The following HMCN1 variants were observed in gnomAD, a reference collection of about 807,000 sequenced individuals.
HMCN1 encodes hemicentin 1, also known as hemicentin-1.
In HMCN1, 321 loss-of-function variants were observed where a neutral mutation model predicts 625.9. The observed-to-expected ratio is 0.51, with a 90% CI of 0.47 to 0.56. HMCN1 has a LOEUF of 0.56. Ranked by LOEUF, HMCN1 falls within the 20% of genes least tolerant of loss-of-function variation. The pLI, the probability that HMCN1 is intolerant of heterozygous loss-of-function variation, is 0.00. For synonymous variants in HMCN1, 2,425 were observed against 2,417.6 expected, an observed-to-expected ratio of 1.00 and a Z score of -0.09; for missense variants, 6,588 against 6,887.3, an observed-to-expected ratio of 0.96 and a Z score of 1.54.
At chr1:186,122,673 T>C (rs1317658612) in intron 80 of HMCN1, among the ~76,000 whole-genome samples, 1 of 152,216 alleles carries the variant, frequency 6.6e-6, no homozygotes, top group African/African-American at 2.4e-5. Context: ...ACAGCTTAAA[T>C]TTTCTAGACA....
At position 186,019,636 on chromosome 1, in the gene HMCN1, C is replaced by A. The variant is rs1654589182; in HGVS notation, c.5566C>A (p.Pro1856Thr). The change falls in exon 35 of 107, where the codon CCT becomes ACT. Residue 1856 changes from proline to threonine, a missense_variant. By Grantham distance (38) the Pro-to-Thr change is conservative (BLOSUM62 -1). Transcript: ENST00000271588. Reference sequence around the variant, plus strand: ...GTGCATAGCCAATGGGATTCCAAATCCTTCCATTACATGGTTAAAAGATGA... The same window carrying A: ...GTGCATAGCCAATGGGATTCCAAATACTTCCATTACATGGTTAAAAGATGA... Reference protein sequence around the residue: ...LQCIANGIPNPSITWLKDDQP... With the variant: ...LQCIANGIPNTSITWLKDDQP... 2 of 1,611,958 alleles carry A rather than the reference C, an allele frequency of 1.2e-6. No homozygotes were observed. The highest frequency in any genetic ancestry group is 1.7e-6 in the Non-Finnish European group (2 of 1,178,482).
chr1:185,984,636 A>G (rs546797329), intron 19 of HMCN1, among the ~76,000 whole-genome samples: 1 of 152,310 alleles, frequency 6.6e-6, no homozygotes, highest in Non-Finnish European at 1.5e-5. Flanking sequence ...TGAACTCATT[A>G]TACCCTCCAG....
rs1411927396 is a variant in HMCN1, at chr1:186,182,306, G to A, written c.16414+19G>A. The A allele has an allele frequency of 6.2e-7, 1 of 1,612,780 alleles. No individual in the cohort carries two copies. The highest frequency in any genetic ancestry group is 8.5e-7 in the Non-Finnish European group (1 of 1,179,030). ...TGCCAAGGTGAGAAAACATTGGGATGTTTATTGTTGCAAACTTGACTAAAA... is the reference window on the plus strand; with the variant it reads ...TGCCAAGGTGAGAAAACATTGGGATATTTATTGTTGCAAACTTGACTAAAA... On this transcript the variant is annotated intron_variant, in intron 105 of 106. Coordinates refer to ENST00000271588, the MANE Select transcript of HMCN1 (RefSeq NM_031935.3).
rs781089412 is a variant in HMCN1 at position 186,093,613 on chromosome 1, A to G, written c.10140A>G (p.Gly3380=). 5.1e-5 allele frequency: 82 copies of G among 1,613,304 alleles called. No homozygotes were observed. The highest frequency in any genetic ancestry group is 6.6e-5 in the Non-Finnish European group (78 of 1,179,640). The change falls in exon 66 of 107, where the codon GGA becomes GGG. Residue 3380 remains glycine, a synonymous_variant. Coordinates refer to ENST00000271588, the MANE Select transcript of HMCN1 (RefSeq NM_031935.3). ...PPPQINWLKN[G]LPLPLSSHIR... is the part of the protein sequence containing the mutation. The stretch of plus-strand genomic sequence containing the variant: ...CACAGATAAACTGGCTGAAGAATGG[A>G]CTTCCTCTGCCTCTCTCCTCCCATA...
intron 77 of HMCN1, among the ~76,000 whole-genome samples, chr1:186,117,975 C>T (rs1410691189): frequency 2.0e-5 from 3 of 152,064 alleles, no homozygotes; most frequent in Non-Finnish European, 4.4e-5. Context: ...TAGAATGTCT[C>T]TTCATTTATC....
At chr1:185,748,964 A>G (rs1287106430) in intron 1 of HMCN1, among the ~76,000 whole-genome samples, 3 of 152,210 alleles carry the variant, frequency 2.0e-5, no homozygotes, top group Admixed American at 6.5e-5. Flanking sequence ...TGCATAAAAT[A>G]AGGATAAAAC....
intron 11 of HMCN1, among the ~76,000 whole-genome samples, chr1:185,945,964 C>T (rs185789671): frequency 6.6e-6 from 1 of 152,254 alleles, no homozygotes; most frequent in East Asian, 1.9e-4. Context: ...TGCAGTTATG[C>T]TCTGGGAGAT....
At chr1:186,088,082 G>T in intron 61 of HMCN1, 63 bp from the exon 62 acceptor site, 2 of 1,609,116 alleles carry the variant, frequency 1.2e-6, no homozygotes, top group Non-Finnish European at 1.7e-6. Flanking sequence ...TTCCAAATTA[G>T]CTTAATGAGG....
chr1:186,052,453 T>A (rs114394129), intron 42 of HMCN1, among the ~76,000 whole-genome samples: 221 of 152,182 alleles, frequency 1.5e-3, no homozygotes, highest in African/African-American at 5.0e-3. Context: ...AAGCAGACTG[T>A]GCAATCTGAA....
At chr1:186,088,869 A>G (rs959756744) in intron 63 of HMCN1, 114 bp downstream of exon 63, 2 of 979,490 alleles carry the variant, frequency 2.0e-6, no homozygotes, top group Non-Finnish European at 3.0e-6. Flanking sequence ...TCTTTAGATC[A>G]TCAAAAACTA....
At chr1:186,167,683 A>G (rs1232161314) in intron 100 of HMCN1, among the ~76,000 whole-genome samples, 2 of 152,176 alleles carry the variant, frequency 1.3e-5, no homozygotes, top group Non-Finnish European at 2.9e-5. Context: ...TGATCTTGTT[A>G]CTGTCTTTGT....
chr1:186,174,524 A>G lies in HMCN1; in HGVS notation c.15825A>G (p.Glu5275=). 1 of 1,613,920 alleles carries G rather than the reference A, an allele frequency of 6.2e-7. No homozygotes were observed. The highest frequency in any genetic ancestry group is 2.2e-5 in the East Asian group (1 of 44,864). The change falls in exon 103 of 107, where the codon GAA becomes GAG. Residue 5275 remains glutamate, a synonymous_variant. Transcript: ENST00000271588. ...AENGTCIDID[E]CKDGTHQCRY... is the part of the protein sequence containing the mutation. ...CCTCCATGTCTGTAGATATTGATGA[A>G]TGTAAAGATGGGACCCATCAGTGCA... is the stretch of plus-strand genomic sequence containing the variant.
chr1:185,853,102 A>T (rs1241555610), intron 2 of HMCN1, among the ~76,000 whole-genome samples: 1 of 152,152 alleles, frequency 6.6e-6, no homozygotes, highest in Non-Finnish European at 1.5e-5. Flanking sequence ...AATCAAGTTA[A>T]CATATTTATT....
Position 186,155,924 on chromosome 1 carries a change from T to A in HMCN1, c.15256+1937T>A, listed in dbSNP as rs556118501. Among the ~76,000 whole-genome samples the A allele has an allele frequency of 3.3e-5, 5 of 152,274 alleles. No individual in the cohort carries two copies. The South Asian group carries it at 1.0e-3, about 32-fold the overall frequency. On this transcript the variant is annotated intron_variant, in intron 97 of 106. Transcript: ENST00000271588. Reference sequence around the variant, plus strand: ...AATCTTCTGGAGAGCTTGATGAAAGTTCAGATTTCTGGGCACAAAGATTTT... The same window carrying A: ...AATCTTCTGGAGAGCTTGATGAAAGATCAGATTTCTGGGCACAAAGATTTT...
chr1:185,914,293 G>A (rs1002173100), intron 6 of HMCN1, among the ~76,000 whole-genome samples: 1 of 152,020 alleles, frequency 6.6e-6, no homozygotes, highest in Non-Finnish European at 1.5e-5. Flanking sequence ...TTTTACATGT[G>A]CACTTTCTCA....
intron 1 of HMCN1, among the ~76,000 whole-genome samples, chr1:185,743,981 TG>T (rs1216389582): frequency 5.1e-5 from 6 of 117,806 alleles, no homozygotes; most frequent in Admixed American, 1.5e-4. Flanking sequence ...TTTACTGTTT[TG>T]TTTTTTTTTT....
At position 186,136,664 on chromosome 1, in the gene HMCN1, G is replaced by T. The variant is rs41317497; in HGVS notation, c.13313-4G>T. On this transcript the variant is annotated splice_region_variant and splice_polypyrimidine_tract_variant and intron_variant, in intron 86 of 106. Transcript: ENST00000271588. ...ACTGAGACACTATGTGCTTTTTTCC[G>T]TAGGTCCTCCTATTATCACTCTTGA... 1.2e-6 allele frequency: 2 copies of T among 1,612,776 alleles called. No homozygotes were observed. The highest frequency in any genetic ancestry group is 1.3e-5 in the African/African-American group (1 of 74,822).
chr1:186,080,858 G>A (rs1659129448), intron 55 of HMCN1, among the ~76,000 whole-genome samples: 1 of 152,094 alleles, frequency 6.6e-6, no homozygotes. Context: ...TATTTATACA[G>A]ATGCTTCTTA....
At chr1:186,001,906 A>G (rs12087581) in intron 28 of HMCN1, among the ~76,000 whole-genome samples, 165 bp downstream of exon 28, 6,322 of 152,164 alleles carry the variant, frequency 0.042, 451 homozygotes, top group African/African-American at 0.14. Flanking sequence ...ACCATATGAT[A>G]TAGAAATTTT....
Sources: gnomAD v4.1 joint callset for allele counts (sites outside exome capture counted in the v4.1 genomes callset) on GRCh38, gnomAD v4.1.1 for gene constraint, MANE v1.5 for transcripts, NCBI Gene and HGNC (gene_info 2026-07-23, HGNC 2026-07-21) for gene names.